The following DCDC1 variants were observed in gnomAD, a reference collection of about 807,000 sequenced individuals.
DCDC1 encodes the protein doublecortin domain containing 1.
DCDC1 carries 200 observed loss-of-function variants against 178.3 expected under a neutral mutation model. The ratio of observed to expected loss-of-function variants is 1.12; its 90% confidence interval spans 1.00 to 1.26. The LOEUF is 1.26. Ranked by LOEUF, DCDC1 falls within the 50% of genes most tolerant of loss-of-function variation. DCDC1 has a pLI of 0.00. For synonymous variants in DCDC1, 690 were observed against 604.8 expected, an observed-to-expected ratio of 1.14 and a Z score of -2.07; for missense variants, 1,983 against 1,749.2, an observed-to-expected ratio of 1.13 and a Z score of -2.38.
At chr11:30,962,237 T>C (rs1357147258) in intron 20 of DCDC1, among the ~76,000 whole-genome samples, 1 of 152,114 alleles carries the variant, frequency 6.6e-6, no homozygotes, top group Non-Finnish European at 1.5e-5. Flanking sequence ...AACATTATTC[T>C]ACTTTATTTC....
At chr11:31,051,522 A>G (rs1955248232) in intron 20 of DCDC1, among the ~76,000 whole-genome samples, 2 of 152,200 alleles carry the variant, frequency 1.3e-5, no homozygotes, top group African/African-American at 4.8e-5. Flanking sequence ...GCACATTGTC[A>G]TCAGGTTATC....
chr11:31,353,826 TAAC>T (rs1199436029), intron 1 of DCDC1, among the ~76,000 whole-genome samples: 1 of 152,144 alleles, frequency 6.6e-6, no homozygotes, highest in Non-Finnish European at 1.5e-5. Context: ...TACTGGATAA[TAAC>T]AAGAAAATTC....
Position 30,894,295 on chromosome 11 carries a change from G to C in DCDC1, c.4855C>G (p.Gln1619Glu). 6.2e-7 allele frequency: 1 copy of C among 1,613,832 alleles called. No individual in the cohort carries two copies. The highest frequency in any genetic ancestry group is 8.5e-7 in the Non-Finnish European group (1 of 1,179,788). Residue 1619 changes from glutamine (Q) to glutamate (E), a missense_variant, in exon 35 of 39, where the codon CAG (glutamine) becomes GAG (glutamate). Coordinates refer to ENST00000684477, the MANE Select transcript of DCDC1 (RefSeq NM_001387274.1). ...PVVVEGGWTE[Q>E]TQQEIKLMEL... ...ATGAGTTTAATTTCCTGTTGAGTCT[G>C]TTCGGTCCAGCCTCCTTCAACCACC...
intron 9 of DCDC1, among the ~76,000 whole-genome samples, chr11:31,160,851 TAAC>T (rs1490418014): frequency 1.1e-4 from 16 of 152,314 alleles, no homozygotes; most frequent in African/African-American, 3.6e-4. Context: ...GCTCTTGAAT[TAAC>T]AAAGCCTCAG....
chr11:31,287,387 C>T (rs887896809), intron 7 of DCDC1, among the ~76,000 whole-genome samples: 7 of 151,758 alleles, frequency 4.6e-5, no homozygotes, highest in Non-Finnish European at 1.0e-4. Flanking sequence ...AGTAGGAGTT[C>T]CATAAAATAA....
intron 20 of DCDC1, among the ~76,000 whole-genome samples, chr11:31,050,167 A>G (rs1955146873): frequency 6.6e-6 from 1 of 152,116 alleles, no homozygotes; most frequent in African/African-American, 2.4e-5. Context: ...GGGGGTGGGC[A>G]CAGTGGGAGT....
At chr11:31,309,292 C>T (rs1357403940) in intron 3 of DCDC1, among the ~76,000 whole-genome samples, 1 of 152,100 alleles carries the variant, frequency 6.6e-6, no homozygotes, top group African/African-American at 2.4e-5. Flanking sequence ...GAGTACAGTA[C>T]TGGGGAGAGG....
intron 1 of DCDC1, among the ~76,000 whole-genome samples, chr11:31,356,684 C>T (rs1354999845): frequency 8.5e-4 from 124 of 145,130 alleles, no homozygotes; most frequent in Middle Eastern, 3.5e-3. Flanking sequence ...ATTGATAGAC[C>T]GCTAGCAAGA....
chr11:31,283,586 T>C (rs1946606814), intron 7 of DCDC1, among the ~76,000 whole-genome samples: 1 of 152,068 alleles, frequency 6.6e-6, no homozygotes. Flanking sequence ...GGATATAAAT[T>C]ATCTTTACTG....
At chr11:31,068,642 AC>A (rs1423170418) in intron 18 of DCDC1, among the ~76,000 whole-genome samples, 1 of 152,194 alleles carries the variant, frequency 6.6e-6, no homozygotes, top group African/African-American at 2.4e-5. Flanking sequence ...TTCAAGAGGT[AC>A]TTTTGCTTAT....
chr11:31,183,375 G>A (rs1174725509), intron 9 of DCDC1, among the ~76,000 whole-genome samples: 1 of 152,008 alleles, frequency 6.6e-6, no homozygotes, highest in Non-Finnish European at 1.5e-5. Context: ...AATGCAGAAT[G>A]GAAATCATAA....
At chr11:30,994,050 G>A (rs539132231) in intron 20 of DCDC1, among the ~76,000 whole-genome samples, 1 of 152,058 alleles carries the variant, frequency 6.6e-6, no homozygotes, top group East Asian at 1.9e-4. Context: ...AAAAGCTTCA[G>A]CAAAATATTA....
intron 7 of DCDC1, among the ~76,000 whole-genome samples, chr11:31,279,871 A>G (rs1255590370): frequency 2.0e-5 from 3 of 152,152 alleles, no homozygotes; most frequent in African/African-American, 4.8e-5. Flanking sequence ...TGTATCCCAG[A>G]ACTTAAAGTA....
chr11:30,936,738 G>A (rs1947302312), intron 21 of DCDC1, among the ~76,000 whole-genome samples: 1 of 152,106 alleles, frequency 6.6e-6, no homozygotes, highest in African/African-American at 2.4e-5. Flanking sequence ...AAAGCAGACT[G>A]GGGGAAGATG....
At chr11:31,057,215 T>C (rs557078656) in intron 20 of DCDC1, among the ~76,000 whole-genome samples, 37 of 114,334 alleles carry the variant, frequency 3.2e-4, no homozygotes, top group African/African-American at 1.2e-3. Flanking sequence ...GCCAGGGCAA[T>C]ACAGCAAGAT....
chr11:31,302,163 C>T (rs1948158541), intron 6 of DCDC1, among the ~76,000 whole-genome samples: 1 of 152,156 alleles, frequency 6.6e-6, no homozygotes, highest in Non-Finnish European at 1.5e-5. Context: ...CGAATTAGGT[C>T]TAAATAGTGT....
intron 36 of DCDC1, among the ~76,000 whole-genome samples, chr11:30,890,009 G>T (rs963680769): frequency 6.6e-6 from 1 of 152,074 alleles, no homozygotes; most frequent in South Asian, 2.1e-4. Flanking sequence ...AAGAAGAGAC[G>T]CCAGGGTTCT....
intron 2 of DCDC1, among the ~76,000 whole-genome samples, chr11:31,333,125 C>G (rs550923859): frequency 3.9e-5 from 6 of 152,280 alleles, no homozygotes; most frequent in African/African-American, 1.4e-4. Context: ...GATCCCTTTA[C>G]CATTGTATAA....
chr11:30,976,752 C>A (rs182202495), intron 20 of DCDC1, among the ~76,000 whole-genome samples: 1 of 152,144 alleles, frequency 6.6e-6, no homozygotes, highest in East Asian at 1.9e-4. Flanking sequence ...ATTAGTACAG[C>A]CATTAGGGAA....
Sources: allele counts gnomAD v4.1 joint callset (sites outside exome capture counted in the v4.1 genomes callset), GRCh38; gene constraint gnomAD v4.1.1; transcripts MANE v1.5; gene names NCBI Gene and HGNC (gene_info 2026-07-23, HGNC 2026-07-21).